The following UBE3A variants were observed in gnomAD, a reference collection of about 807,000 sequenced individuals.
The protein encoded by UBE3A is ubiquitin protein ligase E3A.
UBE3A carries 6 observed loss-of-function variants against 83.4 expected under a neutral mutation model. That is an observed-to-expected ratio of 0.07 (90% confidence interval 0.04 to 0.14). The LOEUF (loss-of-function observed/expected upper bound fraction) is 0.14. Among genes scored for constraint, UBE3A ranks in the 10% least tolerant of loss-of-function variants. UBE3A has a pLI of 1.00. For synonymous variants in UBE3A, 337 were observed against 355.4 expected (o/e 0.95, Z 0.58); for missense variants, 456 against 1,036.1 (o/e 0.44, Z 7.69).
chr15:25,425,097 G>C (rs1238206186), intron 1 of UBE3A, among the ~76,000 whole-genome samples: 2 of 152,020 alleles, frequency 1.3e-5, no homozygotes, highest in African/African-American at 2.4e-5. Flanking sequence ...CTGGTTTCAA[G>C]ACTTACTACA....
intron 6 of UBE3A, among the ~76,000 whole-genome samples, chr15:25,363,317 A>C (rs917568378): frequency 5.3e-5 from 8 of 152,100 alleles, no homozygotes; most frequent in African/African-American, 1.9e-4. Flanking sequence ...CCCTGCATAA[A>C]GTTAGTGCTT....
chr15:25,407,068 T>G (rs1352024906), intron 3 of UBE3A: 1 of 1,348,210 alleles, frequency 7.4e-7, no homozygotes, highest in Admixed American at 1.9e-5. Flanking sequence ...GTGACACACC[T>G]GGTCTCCACC....
intron 3 of UBE3A, chr15:25,407,119 T>C: frequency 7.4e-7 from 1 of 1,350,958 alleles, no homozygotes; most frequent in Non-Finnish European, 9.8e-7. Context: ...TCCAAACTTG[T>C]ATCTCCCAGA....
rs372422806 is a variant in UBE3A, at chr15:25,395,125, T to C, written c.62+10336A>G. On this transcript the variant is annotated intron_variant, in intron 4 of 12. Coordinates refer to ENST00000648336, the MANE Select transcript of UBE3A (RefSeq NM_130839.5). The stretch of plus-strand genomic sequence containing the variant: ...AGAAGGGTCACAGGGTCACAGACAA[T>C]AGTTACAAGCCTTAAGATGACAAAG... 2.6e-5 allele frequency among the ~76,000 whole-genome samples: 4 copies of C among 151,938 alleles called. No homozygotes were observed. In the East Asian group the frequency reaches 5.8e-4, roughly 22 times the overall value.
intron 1 of UBE3A, among the ~76,000 whole-genome samples, chr15:25,427,600 T>TCC (rs1891695375): frequency 2.5e-5 from 1 of 40,714 alleles, no homozygotes. Flanking sequence ...ACCCCATCTC[T>TCC]ACAAAAAAAA....
At chr15:25,427,859 C>G (rs1891859975) in intron 1 of UBE3A, among the ~76,000 whole-genome samples, 2 of 147,664 alleles carry the variant, frequency 1.4e-5, no homozygotes, top group African/African-American at 5.0e-5. Flanking sequence ...GACGAATAGA[C>G]TTTAAAATGT....
intron 4 of UBE3A, among the ~76,000 whole-genome samples, chr15:25,376,937 T>C (rs2081328345): frequency 1.3e-5 from 2 of 152,194 alleles, no homozygotes; most frequent in South Asian, 2.1e-4. Flanking sequence ...TCTATGCTTC[T>C]ACTAACTGAT....
chr15:25,401,625 T>C (rs1302286978), intron 4 of UBE3A, among the ~76,000 whole-genome samples: 1 of 152,232 alleles, frequency 6.6e-6, no homozygotes, highest in East Asian at 1.9e-4. Flanking sequence ...CTTGTACTTC[T>C]CTGGTATCAG....
intron 4 of UBE3A, among the ~76,000 whole-genome samples, chr15:25,377,972 TTAAG>T (rs3043909): frequency 0.074 from 11,332 of 152,152 alleles, 823 homozygotes; most frequent in East Asian, 0.42. Flanking sequence ...GATGATGTGA[TTAAG>T]TGAGTTTTAA....
intron 1 of UBE3A, among the ~76,000 whole-genome samples, chr15:25,424,848 A>T (rs989454974): frequency 6.6e-6 from 1 of 152,230 alleles, no homozygotes; most frequent in Admixed American, 6.5e-5. Context: ...ACTACAAAAC[A>T]TGAAAGAAAT....
chr15:25,430,506 C>T (rs1567195637), intron 1 of UBE3A, among the ~76,000 whole-genome samples: 1 of 150,810 alleles, frequency 6.6e-6, no homozygotes, highest in Admixed American at 6.6e-5. Context: ...GCACCGCCCT[C>T]GTTCCACCTC....
intron 1 of UBE3A, chr15:25,420,754 T>TA (rs1889394848): frequency 6.6e-6 from 1 of 152,054 alleles, no homozygotes; most frequent in South Asian, 2.1e-4. Flanking sequence ...TGGCAGTCTC[T>TA]AAAAAAATTA....
At position 25,339,119 on chromosome 15, in the gene UBE3A, A is replaced by ATTT; in HGVS notation, c.*15_*17dup. 1.4e-6 allele frequency: 2 copies of ATTT among 1,429,774 alleles called. No homozygotes were observed. The highest frequency in any genetic ancestry group is 1.6e-5 in the South Asian group (1 of 63,442). The allele number at this position is 1,429,774 out of a possible 1,614,324, so 88.6% of individuals were successfully genotyped here. ...TTTTTTCCTTCCTTTTTTTTGTTTT[A>ATTT]TTTTGTTTTGTTTTGTTTTACAGCA... On this transcript the variant is annotated 3_prime_UTR_variant, in exon 13 of 13. Coordinates refer to ENST00000648336, the MANE Select transcript of UBE3A (RefSeq NM_130839.5).
chr15:25,398,992 A>C (rs2086439844), intron 4 of UBE3A, among the ~76,000 whole-genome samples: 1 of 151,156 alleles, frequency 6.6e-6, no homozygotes, highest in African/African-American at 2.4e-5. Flanking sequence ...TCTAATGGCC[A>C]TTTGTATGTC....
At chr15:25,434,863 T>C (rs1367574266) in intron 1 of UBE3A, among the ~76,000 whole-genome samples, 2 of 152,086 alleles carry the variant, frequency 1.3e-5, no homozygotes, top group African/African-American at 4.8e-5. Flanking sequence ...CCTACTCAGG[T>C]AGCATCTATC....
intron 11 of UBE3A, among the ~76,000 whole-genome samples, chr15:25,341,001 A>G (rs1340446430): frequency 6.6e-6 from 1 of 152,226 alleles, no homozygotes; most frequent in Non-Finnish European, 1.5e-5. Context: ...AAGCTCATAA[A>G]GTGCAATCTT....
intron 3 of UBE3A, chr15:25,408,846 T>A: frequency 1.3e-6 from 1 of 776,358 alleles, no homozygotes; most frequent in East Asian, 2.7e-5. Context: ...AACCTTGAAG[T>A]TTTTTTGAGA....
At chr15:25,340,770 T>C (rs2074611780) in intron 11 of UBE3A, among the ~76,000 whole-genome samples, 1 of 152,088 alleles carries the variant, frequency 6.6e-6, no homozygotes, top group Admixed American at 6.5e-5. Flanking sequence ...AACAACTACA[T>C]ACCTAATAGC....
At chr15:25,422,094 A>T (rs1889992221) in intron 1 of UBE3A, 1 of 152,226 alleles carries the variant, frequency 6.6e-6, no homozygotes, top group South Asian at 2.1e-4. Context: ...GTCATATTGT[A>T]TTTAAAAAAA....
Sources: gnomAD v4.1 joint callset for allele counts (sites outside exome capture counted in the v4.1 genomes callset) on GRCh38, gnomAD v4.1.1 for gene constraint, MANE v1.5 for transcripts, NCBI Gene and HGNC (gene_info 2026-07-23, HGNC 2026-07-21) for gene names.